ATG4C: variants seen among roughly 807,000 people sequenced by gnomAD.
The protein encoded by ATG4C is cysteine protease ATG4C.
Under a neutral mutation model 57.6 loss-of-function variants are expected in ATG4C, and 56 were observed. That is an observed-to-expected ratio of 0.97 (90% CI 0.78 to 1.21). The LOEUF (loss-of-function observed/expected upper bound fraction) is 1.21. Among genes scored for constraint, ATG4C ranks in the 50% most tolerant of loss-of-function variants. The probability of loss-of-function intolerance (pLI) is 0.00; values close to 1 mark genes in which losing one functional copy is unlikely to be tolerated. For missense variants in ATG4C, 595 were observed against 529.8 expected (o/e 1.12, Z -1.21); for synonymous variants, 157 against 174.1 (o/e 0.90, Z 0.78).
At chr1:62,788,604 A>G (rs181311597) in intron 1 of ATG4C, among the ~76,000 whole-genome samples, 1 of 152,312 alleles carries the variant, frequency 6.6e-6, no homozygotes, top group East Asian at 1.9e-4. Flanking sequence ...TTTAACCTTG[A>G]TATGATAATA....
chr1:62,801,978 A>AAAAAAAAG (rs1230703609), intron 1 of ATG4C, among the ~76,000 whole-genome samples: 4 of 143,780 alleles, frequency 2.8e-5, no homozygotes, highest in African/African-American at 1.0e-4. Flanking sequence ...AAAAAAAAAA[A>AAAAAAAAG]AAAAAAAGAA....
chr1:62,821,934 A>T (rs1665495924), intron 6 of ATG4C, among the ~76,000 whole-genome samples: 1 of 152,128 alleles, frequency 6.6e-6, no homozygotes. Flanking sequence ...AACCCATCAC[A>T]TGCAGTCACA....
At chr1:62,847,231 A>AAAAC (rs71045860) in intron 10 of ATG4C, among the ~76,000 whole-genome samples, 68,802 of 151,620 alleles carry the variant, frequency 0.45, 15,675 homozygotes, top group East Asian at 0.66. Flanking sequence ...GAATAAATAA[A>AAAAC]AAACAGAAAC....
At chr1:62,832,507 GGAGA>G (rs1037196778) in intron 7 of ATG4C, among the ~76,000 whole-genome samples, 1 of 152,142 alleles carries the variant, frequency 6.6e-6, no homozygotes, top group African/African-American at 2.4e-5. Context: ...CAGAGGAGCA[GGAGA>G]GAGAAACCAT....
intron 9 of ATG4C, among the ~76,000 whole-genome samples, chr1:62,840,087 A>T (rs867838511): frequency 6.6e-6 from 1 of 152,152 alleles, no homozygotes; most frequent in South Asian, 2.1e-4. Context: ...GAAGTTAAAA[A>T]TCCCTTAGTT....
In ATG4C at chr1:62,850,959, A is replaced by T. The variant is rs1384171485; in HGVS notation, c.1209+9412A>T. On this transcript the variant is annotated intron_variant, in intron 10 of 10. Coordinates refer to ENST00000317868, the MANE Select transcript of ATG4C (RefSeq NM_032852.4). ...TCTATCATCTGTTTATTCCACTGGA[A>T]TGTCATCTCAACAAGGGAAGGATTT... is the stretch of plus-strand genomic sequence containing the variant. Among the ~76,000 whole-genome samples, 3 of 145,522 alleles carry T rather than the reference A, an allele frequency of 2.1e-5. No individual in the cohort carries two copies. The East Asian group carries it at 6.1e-4, about 30-fold the overall frequency.
At chr1:62,850,852 A>ATG (rs1229051307) in intron 10 of ATG4C, among the ~76,000 whole-genome samples, 3,958 of 94,320 alleles carry the variant, frequency 0.042, 265 homozygotes, top group Admixed American at 0.08. Context: ...GTGTGTATGT[A>ATG]TGTATATATA....
rs184734472 is a variant in ATG4C at position 62,792,630 on chromosome 1, A to G, written c.-69+8357A>G. Among the ~76,000 whole-genome samples the G allele has an allele frequency of 1.2e-4, 18 of 152,370 alleles. No individual in the cohort carries two copies. In the East Asian group the frequency reaches 2.7e-3, roughly 23 times the overall value. ...ACTCTAAAACAGTTATGGATGCTCT[A>G]GAACAGATATGAAAATACACAGTTT... On this transcript the variant is annotated intron_variant, in intron 1 of 10. Coordinates refer to ENST00000317868, the MANE Select transcript of ATG4C (RefSeq NM_032852.4).
chr1:62,823,998 ATTGT>A (rs1164182525), intron 6 of ATG4C, among the ~76,000 whole-genome samples: 4 of 152,104 alleles, frequency 2.6e-5, no homozygotes, highest in Admixed American at 1.3e-4. Context: ...TCACCTTATA[ATTGT>A]TTGTTTCTTA....
At chr1:62,797,007 CTG>C (rs1664492257) in intron 1 of ATG4C, among the ~76,000 whole-genome samples, 1 of 151,976 alleles carries the variant, frequency 6.6e-6, no homozygotes, top group Non-Finnish European at 1.5e-5. Flanking sequence ...ACTCCTGAGG[CTG>C]ATGCAGGAGA....
intron 3 of ATG4C, among the ~76,000 whole-genome samples, chr1:62,806,987 T>G (rs74641121): frequency 0.016 from 2,486 of 152,296 alleles, 62 homozygotes; most frequent in African/African-American, 0.057. Flanking sequence ...AGGTAGGAGA[T>G]GGGGTACCCA....
In ATG4C at chr1:62,816,734, G is replaced by A; in HGVS notation, c.320G>A (p.Cys107Tyr). ...GAAGGCTCAGCTTTGACAACAGACT[G>A]TGGGTGGGGCTGCACATTGAGAACT... is the stretch of plus-strand genomic sequence containing the variant. ...QIEGSALTTDCGWGCTLRTGQ... is the reference protein window; with the variant it reads ...QIEGSALTTDYGWGCTLRTGQ... Residue 107 changes from cysteine to tyrosine, a missense_variant, in exon 4 of 11, where the codon TGT becomes TAT. Coordinates refer to ENST00000317868, the MANE Select transcript of ATG4C (RefSeq NM_032852.4). 3 of 1,613,868 alleles carry A rather than the reference G, an allele frequency of 1.9e-6. No homozygotes were observed. The highest frequency in any genetic ancestry group is 2.5e-6 in the Non-Finnish European group (3 of 1,179,880).
chr1:62,830,450 T>C (rs760206517), intron 7 of ATG4C, among the ~76,000 whole-genome samples: 2 of 152,178 alleles, frequency 1.3e-5, no homozygotes, highest in African/African-American at 4.8e-5. Flanking sequence ...ACTGATTCCT[T>C]TAGCCAAAGC....
intron 10 of ATG4C, among the ~76,000 whole-genome samples, chr1:62,846,845 G>C (rs1666338702): frequency 6.6e-6 from 1 of 152,106 alleles, no homozygotes; most frequent in South Asian, 2.1e-4. Context: ...CCTCTAGCTG[G>C]TTCTCAATTC....
chr1:62,818,887 T>A (rs1231425870), intron 4 of ATG4C, 118 bp from the exon 5 acceptor site: 2 of 774,776 alleles, frequency 2.6e-6, no homozygotes, highest in Admixed American at 6.4e-5. Context: ...TATTTACCTA[T>A]TTTTGAATTT....
At position 62,865,159 on chromosome 1, in the gene ATG4C, CTTTTG is replaced by C. The variant is rs1666965430; in HGVS notation, c.*1006_*1010del. 1 of 151,852 alleles carries C rather than the reference CTTTTG, an allele frequency of 6.6e-6. No individual in the cohort carries two copies. Among genetic ancestry groups the C allele is most frequent in the African/African-American group, 2.4e-5 (1 of 41,494 alleles). The allele number at this position is 151,852 out of a possible 1,614,324, so 9.4% of individuals were successfully genotyped here. A position where few individuals can be genotyped will look rare whatever the true frequency, so the allele number is the denominator to read the frequency against. On this transcript the variant is annotated 3_prime_UTR_variant, in exon 11 of 11. Coordinates refer to ENST00000317868, the MANE Select transcript of ATG4C (RefSeq NM_032852.4). ...AATAAAGATGTGAGAAGATAAAATG[CTTTTG>C]TTTTGGTTTTAATGTTGGGATTATT...
intron 1 of ATG4C, among the ~76,000 whole-genome samples, chr1:62,786,523 C>T (rs1414143682): frequency 4.2e-5 from 6 of 141,374 alleles, no homozygotes; most frequent in African/African-American, 1.7e-4. Context: ...AATTAGGACC[C>T]TGTCTCAAAA....
At chr1:62,833,982 C>A in intron 7 of ATG4C, 56 bp from the exon 8 acceptor site, 1 of 1,482,686 alleles carries the variant, frequency 6.7e-7, no homozygotes, top group South Asian at 1.2e-5. Flanking sequence ...AATTTGTTTG[C>A]TTTGAATAAT....
At chr1:62,790,192 G>A (rs969899192) in intron 1 of ATG4C, among the ~76,000 whole-genome samples, 2 of 152,188 alleles carry the variant, frequency 1.3e-5, no homozygotes, top group Non-Finnish European at 2.9e-5. Context: ...GGGATTACAG[G>A]CGTGAGCCAC....
Sources: gnomAD v4.1 joint callset for allele counts (sites outside exome capture counted in the v4.1 genomes callset) on GRCh38, gnomAD v4.1.1 for gene constraint, MANE v1.5 for transcripts, NCBI Gene and HGNC (gene_info 2026-07-23, HGNC 2026-07-21) for gene names.